The following HERC1 variants were observed in gnomAD, a reference collection of about 807,000 sequenced individuals.
HERC1 encodes HECT and RLD domain containing E3 ubiquitin protein ligase family member 1.
HERC1 carries 160 observed loss-of-function variants against 554.3 expected under a neutral mutation model. The observed-to-expected ratio is 0.29, with a 90% CI of 0.25 to 0.33. The LOEUF is 0.33. Ranked by LOEUF, HERC1 falls within the 10% of genes least tolerant of loss-of-function variation. The probability of loss-of-function intolerance (pLI) is 1.00; values close to 1 mark genes in which losing one functional copy is unlikely to be tolerated. For synonymous variants in HERC1, 2,175 were observed against 2,131.7 expected (o/e 1.02, Z -0.56); for missense variants, 4,919 against 5,918.5 (o/e 0.83, Z 5.54).
rs1268671519 is a variant in HERC1, at chr15:63,694,037, C to A, written c.5601G>T (p.Gly1867=). The change falls in exon 30 of 78, where the codon GGG becomes GGT. Residue 1867 remains glycine (G), a synonymous_variant. Transcript: ENST00000443617. The surrounding 1 kb of genome is among the most constrained non-coding windows in gnomAD (Gnocchi z 4.3). The part of the protein sequence containing the change: ...GVLHMASFGE[G]EQEDGEEEEK... ...CTTCTTCTTCACCGTCTTCTTGCTC[C>A]CCTTCTCCGAAAGAGGCCATATGTA... is the stretch of plus-strand genomic sequence containing the variant. 2 of 1,597,786 alleles carry A rather than the reference C, an allele frequency of 1.3e-6. No homozygotes were observed. The highest frequency in any genetic ancestry group is 2.3e-5 in the South Asian group (2 of 88,388).
rs557073010 is a variant in HERC1, at chr15:63,692,269, G to C, written c.5830+142C>G. On this transcript the variant is annotated intron_variant, in intron 31 of 77. Coordinates refer to ENST00000443617, the MANE Select transcript of HERC1 (RefSeq NM_003922.4). This position sits in a 1 kb window ranked among gnomAD's most constrained non-coding sequence, Gnocchi z 4.7. ...ACTTCTGAAATTAGAGTTTTCTTTT[G>C]ATCAAATAGGTACGCAGAAAATAAG... The C allele has an allele frequency of 8.8e-5, 50 of 570,410 alleles. No individual in the cohort carries two copies. Among genetic ancestry groups the C allele is most frequent in the East Asian group, 8.3e-4 (27 of 32,570 alleles). 35.3% of individuals were successfully genotyped at this position (570,410 alleles called of 1,614,324 possible).
At chr15:63,664,223 T>C (rs907505151) in intron 43 of HERC1, among the ~76,000 whole-genome samples, 2 of 152,144 alleles carry the variant, frequency 1.3e-5, no homozygotes, top group African/African-American at 2.4e-5. Context: ...ATATAATTTC[T>C]CAAAATCTAC....
intron 12 of HERC1, among the ~76,000 whole-genome samples, chr15:63,740,292 A>G (rs2074742709): frequency 6.6e-6 from 1 of 152,188 alleles, no homozygotes; most frequent in Non-Finnish European, 1.5e-5. Context: ...ATAATATTAC[A>G]TTGTATGAAT....
chr15:63,714,423 C>T (rs2073443688), intron 22 of HERC1, among the ~76,000 whole-genome samples: 1 of 152,110 alleles, frequency 6.6e-6, no homozygotes, highest in Non-Finnish European at 1.5e-5. Context: ...CCATCTGATG[C>T]CAGCCTTTCC....
intron 24 of HERC1, 115 bp from the exon 25 acceptor site, chr15:63,706,946 T>C: frequency 1.6e-6 from 1 of 644,000 alleles, no homozygotes; most frequent in East Asian, 2.9e-5. Context: ...GTCTTACTTA[T>C]TCATCATTCA....
rs747466701 is a variant in HERC1, at chr15:63,616,474, G to A, written c.13897C>T (p.Leu4633Phe). Residue 4633 changes from leucine (L) to phenylalanine (F), a missense_variant, in exon 75 of 78, where the codon CTT becomes TTT. This residue lies in a region of HERC1 where 284 missense variants were observed against 294.1 expected (regional missense o/e 0.97). Transcript: ENST00000443617. ...LLYVQTLNSI[L>F]HIEDSGITEE... ...GTAATCCCACTGTCTTCAATGTGAA[G>A]AATGCTGTTGAGAGTCTGCACGTAG... 1.2e-6 allele frequency: 2 copies of A among 1,613,984 alleles called. No individual in the cohort carries two copies. Among genetic ancestry groups the A allele is most frequent in the East Asian group, 2.2e-5 (1 of 44,886 alleles).
intron 1 of HERC1, among the ~76,000 whole-genome samples, chr15:63,783,536 G>C (rs2076348831): frequency 6.6e-6 from 1 of 152,126 alleles, no homozygotes; most frequent in African/African-American, 2.4e-5. Context: ...CAAAAAAACT[G>C]TGTGACTTGC....
chr15:63,772,809 T>C (rs909101203), intron 2 of HERC1, among the ~76,000 whole-genome samples: 3 of 152,178 alleles, frequency 2.0e-5, no homozygotes, highest in Admixed American at 6.5e-5. Flanking sequence ...GGCATGCTTT[T>C]CTTATTTATT....
intron 42 of HERC1, among the ~76,000 whole-genome samples, chr15:63,665,348 A>G (rs1163187802): frequency 6.6e-6 from 1 of 152,186 alleles, no homozygotes; most frequent in African/African-American, 2.4e-5. Context: ...CCTGGCCAAC[A>G]TGGTGAAACC....
At chr15:63,722,010 G>A (rs1367425392) in intron 19 of HERC1, among the ~76,000 whole-genome samples, 4 of 152,004 alleles carry the variant, frequency 2.6e-5, no homozygotes, top group Non-Finnish European at 5.9e-5. Context: ...ACAGGCACAC[G>A]CCTCCATGAC....
rs369333746 is a variant in HERC1 at position 63,716,405 on chromosome 15, T to C, written c.4047A>G (p.Glu1349=). ...QEHSFTRTID[E]EAEMEEQAER... The stretch of plus-strand genomic sequence containing the variant: ...CAGCCTGTTCTTCCATTTCAGCTTC[T>C]TCATCAATAGTTCGAGTAAATGAAT... The change falls in exon 22 of 78, where the codon GAA becomes GAG. Residue 1349 remains glutamate (E), a synonymous_variant. Coordinates refer to ENST00000443617, the MANE Select transcript of HERC1 (RefSeq NM_003922.4). The C allele has an allele frequency of 6.2e-7, 1 of 1,613,744 alleles. No homozygotes were observed. The highest frequency in any genetic ancestry group is 8.5e-7 in the Non-Finnish European group (1 of 1,179,816).
intron 1 of HERC1, among the ~76,000 whole-genome samples, chr15:63,829,704 A>G (rs1339227040): frequency 1.3e-5 from 2 of 151,158 alleles, no homozygotes; most frequent in African/African-American, 2.4e-5. Context: ...TTCTCCAATA[A>G]AAGAAACCAG....
Position 63,758,429 on chromosome 15 carries a change from T to A in HERC1, c.1027-60A>T, listed in dbSNP as rs532132562. 1.0e-3 allele frequency: 1,182 copies of A among 1,183,908 alleles called. 2 individuals carry two copies. The highest frequency in any genetic ancestry group is 1.3e-3 in the Non-Finnish European group (1,067 of 838,292). The allele number at this position is 1,183,908 out of a possible 1,614,324, so 73.3% of individuals were successfully genotyped here. On this transcript the variant is annotated intron_variant, in intron 3 of 77. Transcript: ENST00000443617. The surrounding 1 kb of genome is among the most constrained non-coding windows in gnomAD (Gnocchi z 4.0). ...AGACAGTTTTAGTCTGGGCATTTTT[T>A]ATACATATCCTCTGAAATTACTGTT...
chr15:63,673,445 G>T (rs2071036318), intron 38 of HERC1, among the ~76,000 whole-genome samples: 1 of 152,124 alleles, frequency 6.6e-6, no homozygotes, highest in African/African-American at 2.4e-5. Context: ...AGAAAGAAGG[G>T]AAAGAAGGAA....
intron 51 of HERC1, among the ~76,000 whole-genome samples, chr15:63,653,521 A>G (rs572331212): frequency 2.5e-4 from 38 of 152,118 alleles, no homozygotes; most frequent in South Asian, 2.1e-4. Context: ...TAGTGAGGCC[A>G]ATTTCTTTTC....
rs141700842 is a variant in HERC1 at position 63,676,743 on chromosome 15, G to A, written c.7070+1102C>T. On this transcript the variant is annotated intron_variant, in intron 37 of 77. Coordinates refer to ENST00000443617, the MANE Select transcript of HERC1 (RefSeq NM_003922.4). The stretch of plus-strand genomic sequence containing the variant: ...TGCCCTCCAGCCTGGGCGACAGAGC[G>A]AGATTCCGTCTCAAAAAAATAAATA... 8.7e-4 allele frequency among the ~76,000 whole-genome samples: 133 copies of A among 152,278 alleles called. 1 individual carries two copies. The East Asian group carries it at 0.023, about 27-fold the overall frequency.
At chr15:63,720,129 G>T (rs1157388376) in intron 19 of HERC1, among the ~76,000 whole-genome samples, 2 of 40 alleles carry the variant, frequency 0.05, no homozygotes, top group Non-Finnish European at 0.062. Flanking sequence ...AAGAGACAGG[G>T]TCTCACTCCT....
intron 1 of HERC1, among the ~76,000 whole-genome samples, chr15:63,832,352 T>C (rs2078186421): frequency 6.6e-6 from 1 of 152,152 alleles, no homozygotes; most frequent in Non-Finnish European, 1.5e-5. Flanking sequence ...ATTTTGCTTG[T>C]ATAAACGCAG....
At chr15:63,730,621 C>A (rs1226590092) in intron 14 of HERC1, among the ~76,000 whole-genome samples, 2 of 152,144 alleles carry the variant, frequency 1.3e-5, no homozygotes, top group African/African-American at 4.8e-5. Context: ...AATAACAGTT[C>A]TGTATCAATG....
Sources: allele counts gnomAD v4.1 joint callset (sites outside exome capture counted in the v4.1 genomes callset), GRCh38; gene constraint gnomAD v4.1.1; regional missense constraint gnomAD v4.1.1; non-coding constraint Gnocchi (gnomAD v3.1); transcripts MANE v1.5; gene names NCBI Gene and HGNC (gene_info 2026-07-23, HGNC 2026-07-21).